Variants in CSMD1 observed in about 807,000 individuals in gnomAD.
The protein encoded by CSMD1 is CUB and Sushi multiple domains 1, also known as CUB and sushi domain-containing protein 1.
In CSMD1, 213 loss-of-function variants were observed where a neutral mutation model predicts 417.5. The ratio of observed to expected loss-of-function variants is 0.51; its 90% CI spans 0.46 to 0.57. The LOEUF (loss-of-function observed/expected upper bound fraction) is 0.57, where lower values mean the gene tolerates loss of function less well. Ranked by LOEUF, CSMD1 falls within the 20% of genes least tolerant of loss-of-function variation. The pLI is 0.00. For synonymous variants in CSMD1, 2,862 were observed against 1,736.8 expected (o/e 1.65, Z -16.11); for missense variants, 6,923 against 4,529.7 (o/e 1.53, Z -15.17).
intron 2 of CSMD1, among the ~76,000 whole-genome samples, chr8:4,569,873 T>A (rs1219242532): frequency 6.6e-6 from 1 of 152,198 alleles, no homozygotes; most frequent in Non-Finnish European, 1.5e-5. Context: ...TTGTAAGTTG[T>A]ATTCCTAGAT....
At chr8:4,390,777 G>A (rs570051031) in intron 3 of CSMD1, among the ~76,000 whole-genome samples, 85 of 152,060 alleles carry the variant, frequency 5.6e-4, no homozygotes, top group African/African-American at 1.9e-3. Context: ...TTCTGACCTC[G>A]TGATCCACCT....
At chr8:4,807,061 A>G (rs1798630717) in intron 1 of CSMD1, among the ~76,000 whole-genome samples, 1 of 152,232 alleles carries the variant, frequency 6.6e-6, no homozygotes, top group South Asian at 2.1e-4. Context: ...AAATAGAAAA[A>G]GAATTAAATA....
At chr8:3,472,666 T>G (rs1817174125) in intron 11 of CSMD1, among the ~76,000 whole-genome samples, 1 of 152,144 alleles carries the variant, frequency 6.6e-6, no homozygotes, top group South Asian at 2.1e-4. Context: ...TCAGTGTATT[T>G]TTCCTATTGC....
chr8:3,963,216 G>C (rs1303390573), intron 5 of CSMD1, among the ~76,000 whole-genome samples: 3 of 152,122 alleles, frequency 2.0e-5, no homozygotes, highest in Non-Finnish European at 4.4e-5. Flanking sequence ...ACAGGCTTGA[G>C]CCACCGCACC....
At chr8:4,353,735 G>A (rs1344296721) in intron 3 of CSMD1, among the ~76,000 whole-genome samples, 1 of 145,358 alleles carries the variant, frequency 6.9e-6, no homozygotes, top group African/African-American at 2.6e-5. Flanking sequence ...TTTTGTTGGG[G>A]TTCATGGAGA....
intron 7 of CSMD1, among the ~76,000 whole-genome samples, chr8:3,698,879 G>A (rs1003420229): frequency 6.6e-6 from 1 of 152,172 alleles, no homozygotes; most frequent in African/African-American, 2.4e-5. Flanking sequence ...AACTACATAA[G>A]CATCATTTGC....
At chr8:3,924,510 T>G (rs1183191354) in intron 5 of CSMD1, among the ~76,000 whole-genome samples, 1 of 152,200 alleles carries the variant, frequency 6.6e-6, no homozygotes, top group Non-Finnish European at 1.5e-5. Context: ...ATTCACTTGA[T>G]GGTTTCCCAG....
chr8:3,708,313 A>T (rs1410211664), intron 7 of CSMD1, 101 bp downstream of exon 7: 1 of 865,004 alleles, frequency 1.2e-6, no homozygotes, highest in Admixed American at 2.2e-5. Context: ...GGAAGAGATA[A>T]CGTGGGGAAG....
chr8:4,274,732 G>C (rs1023330952), intron 3 of CSMD1, among the ~76,000 whole-genome samples: 3 of 152,122 alleles, frequency 2.0e-5, no homozygotes, highest in Non-Finnish European at 2.9e-5. Context: ...CATTTCTTGT[G>C]TCTAAACTGC....
At chr8:4,485,587 G>C (rs1223935563) in intron 2 of CSMD1, among the ~76,000 whole-genome samples, 2 of 151,980 alleles carry the variant, frequency 1.3e-5, no homozygotes, top group African/African-American at 2.4e-5. Context: ...TCTATCCATG[G>C]ATGTTCAAGC....
intron 8 of CSMD1, among the ~76,000 whole-genome samples, chr8:3,593,044 C>T (rs554592423): frequency 1.3e-5 from 2 of 152,284 alleles, no homozygotes; most frequent in South Asian, 2.1e-4. Context: ...AGGCTGGAAG[C>T]CCTGGCTGGG....
intron 3 of CSMD1, among the ~76,000 whole-genome samples, chr8:4,044,949 G>A (rs148534055): frequency 1.3e-5 from 2 of 152,248 alleles, no homozygotes; most frequent in Non-Finnish European, 2.9e-5. Context: ...GCATCTGAGA[G>A]TAATTATATT....
chr8:4,475,130 T>G (rs1239292045), intron 2 of CSMD1, among the ~76,000 whole-genome samples: 1 of 152,228 alleles, frequency 6.6e-6, no homozygotes, highest in East Asian at 1.9e-4. Flanking sequence ...TGCTTTATTA[T>G]GTTTAGGCTA....
intron 11 of CSMD1, among the ~76,000 whole-genome samples, chr8:3,473,298 G>A (rs2117207545): frequency 6.6e-6 from 1 of 152,152 alleles, no homozygotes; most frequent in South Asian, 2.1e-4. Flanking sequence ...TCAGGTTTAT[G>A]TTTATTACTC....
At chr8:3,776,792 G>C (rs1041781098) in intron 5 of CSMD1, among the ~76,000 whole-genome samples, 1 of 102,322 alleles carries the variant, frequency 9.8e-6, no homozygotes, top group Non-Finnish European at 2.0e-5. Flanking sequence ...GTGATAGATA[G>C]TGACATATAG....
At chr8:4,639,226 G>C (rs180824313) in intron 1 of CSMD1, among the ~76,000 whole-genome samples, 2 of 149,036 alleles carry the variant, frequency 1.3e-5, no homozygotes, top group East Asian at 3.9e-4. Flanking sequence ...TCCGTGCCAT[G>C]CTAATTTGGT....
At chr8:4,985,378 T>C (rs1811123279) in intron 1 of CSMD1, among the ~76,000 whole-genome samples, 1 of 152,068 alleles carries the variant, frequency 6.6e-6, no homozygotes, top group East Asian at 1.9e-4. Context: ...AAAAGTTTTT[T>C]TTAAAAAAAA....
chr8:3,547,418 T>TACAC (rs1335207093), intron 10 of CSMD1, among the ~76,000 whole-genome samples: 2 of 152,214 alleles, frequency 1.3e-5, no homozygotes, highest in Non-Finnish European at 2.9e-5. Flanking sequence ...TTTAAAACAC[T>TACAC]ACTTCTTGTA....
intron 10 of CSMD1, among the ~76,000 whole-genome samples, chr8:3,564,204 T>G (rs529001754): frequency 9.2e-5 from 14 of 152,218 alleles, no homozygotes; most frequent in Non-Finnish European, 2.1e-4. Context: ...TATCATTAAC[T>G]ATAATTTTCC....
Sources: gnomAD v4.1 joint callset for allele counts (sites outside exome capture counted in the v4.1 genomes callset) on GRCh38, gnomAD v4.1.1 for gene constraint, MANE v1.5 for transcripts, NCBI Gene and HGNC (gene_info 2026-07-23, HGNC 2026-07-21) for gene names.